CWH43: variants seen among roughly 807,000 people sequenced by gnomAD.
CWH43 encodes the protein PGAP2-interacting protein.
A neutral mutation model predicts 85.7 loss-of-function variants in CWH43; 91 were observed. The ratio of observed to expected loss-of-function variants is 1.06; its 90% confidence interval spans 0.90 to 1.26. The LOEUF (loss-of-function observed/expected upper bound fraction) is 1.26. Among genes scored for constraint, CWH43 ranks in the 50% most tolerant of loss-of-function variants. CWH43 has a pLI of 0.00. For synonymous variants in CWH43, 323 were observed against 293.6 expected, an observed-to-expected ratio of 1.10 and a Z score of -1.02; for missense variants, 869 against 839.2, an observed-to-expected ratio of 1.04 and a Z score of -0.44.
chr4:49,042,262 C>T (rs556359127), intron 13 of CWH43, among the ~76,000 whole-genome samples: 34 of 152,306 alleles, frequency 2.2e-4, no homozygotes, highest in African/African-American at 7.9e-4. Context: ...TGGGCCTCCT[C>T]TCTGCCTTGC....
chr4:49,028,204 CT>C (rs899840443), intron 9 of CWH43, among the ~76,000 whole-genome samples: 16 of 151,592 alleles, frequency 1.1e-4, no homozygotes, highest in South Asian at 2.1e-4. Context: ...TTGCAACATA[CT>C]TTTTTTTTAA....
In CWH43 at chr4:49,002,240, C is replaced by T. The variant is rs539441050; in HGVS notation, c.803-1495C>T. ...AGGTAATGTGGTAAGGGATCATTGA[C>T]AAAAAAAGATGTTCATCACACTGTT... On this transcript the variant is annotated intron_variant, in intron 6 of 15. Coordinates refer to ENST00000226432, the MANE Select transcript of CWH43 (RefSeq NM_025087.3). Among the ~76,000 whole-genome samples, 5 of 151,902 alleles carry T rather than the reference C, an allele frequency of 3.3e-5. No homozygotes were observed. In the East Asian group the frequency reaches 9.7e-4, roughly 29 times the overall value.
At chr4:49,007,019 A>T in intron 7 of CWH43, 182 bp from the exon 8 acceptor site, 1 of 551,870 alleles carries the variant, frequency 1.8e-6, no homozygotes, top group Non-Finnish European at 2.8e-6. Context: ...CTAGAACCCT[A>T]CCTGATATTT....
intron 12 of CWH43, 146 bp downstream of exon 12, chr4:49,032,861 C>A: frequency 9.7e-7 from 1 of 1,031,250 alleles, no homozygotes; most frequent in Non-Finnish European, 1.4e-6. Flanking sequence ...TTTTAAAAAT[C>A]AGACAGAAGC....
Position 49,032,601 on chromosome 4 carries a change from C to A in CWH43, c.1544C>A (p.Ser515Tyr). ...MALSRYPIVK[S>Y]EHHLLPSPEG... ...TTGTCAAGATACCCAATTGTGAAAT[C>A]TGAGCATCACCTTCTTCCGTCACCA... The change falls in exon 12 of 16, where the codon TCT becomes TAT. Residue 515 changes from serine to tyrosine, a missense_variant. Ser to Tyr is a moderately radical substitution (Grantham distance 144, BLOSUM62 -2). Around this residue, in one of 3 missense-constraint regions of CWH43, gnomAD observed 577 missense variants for 513.1 expected, o/e 1.12. Coordinates refer to ENST00000226432, the MANE Select transcript of CWH43 (RefSeq NM_025087.3). 6.2e-7 allele frequency: 1 copy of A among 1,614,048 alleles called. No homozygotes were observed. Among genetic ancestry groups the A allele is most frequent in the Non-Finnish European group, 8.5e-7 (1 of 1,179,950 alleles).
rs79550690 is a variant in CWH43, at chr4:48,992,857, G to A, written c.511+767G>A. On this transcript the variant is annotated intron_variant, in intron 4 of 15. Coordinates refer to ENST00000226432, the MANE Select transcript of CWH43 (RefSeq NM_025087.3). This position sits in a 1 kb window ranked among gnomAD's most constrained non-coding sequence, Gnocchi z 4.3. ...AAAAAGTGCTTGTATAATTCCCCCT[G>A]TGGCCCCTAGTTTGGCATGAAATGA... 0.014 allele frequency among the ~76,000 whole-genome samples: 2,088 copies of A among 152,254 alleles called. 33 individuals carry two copies. The highest frequency in any genetic ancestry group is 0.043 in the African/African-American group (1,803 of 41,544).
At position 49,017,775 on chromosome 4, in the gene CWH43, AG is replaced by A. The variant is rs1466536989; in HGVS notation, c.1266+450del. 3.3e-5 allele frequency among the ~76,000 whole-genome samples: 5 copies of A among 152,278 alleles called. No homozygotes were observed. The East Asian group carries it at 9.6e-4, about 29-fold the overall frequency. ...CTTGCAATCATAGTGAAAGGCAAAC[AG>A]GGAGCTAGTTATCTTATGTGGTGGA... is the stretch of plus-strand genomic sequence containing the variant. On this transcript the variant is annotated intron_variant, in intron 9 of 15. Transcript: ENST00000226432.
Position 48,998,561 on chromosome 4 carries a change from T to TAGAAC in CWH43, c.802+14_802+15insGAACA. The TAGAAC allele has an allele frequency of 6.3e-7, 1 of 1,580,624 alleles. No homozygotes were observed. The highest frequency in any genetic ancestry group is 8.7e-7 in the Non-Finnish European group (1 of 1,149,514). Reference sequence around the variant, plus strand: ...TGGTGGGTTACAGGTATGTGGAATTTACCTGCAGATAGAACACGACTGAGC... The same window carrying TAGAAC: ...TGGTGGGTTACAGGTATGTGGAATTTAGAACACCTGCAGATAGAACACGACTGAGC... On this transcript the variant is annotated intron_variant, in intron 6 of 15. Coordinates refer to ENST00000226432, the MANE Select transcript of CWH43 (RefSeq NM_025087.3).
Position 49,003,771 on chromosome 4 carries a change from C to A in CWH43, c.839C>A (p.Thr280Lys). ...GCTGCGGGGCTCCTTTACCTGCACA[C>A]ATGGGCAGCTGCTGTGTCTGGCTGT... is the stretch of plus-strand genomic sequence containing the variant. ...ASAAGLLYLH[T>K]WAAAVSGCVF... is the part of the protein sequence containing the mutation. The change falls in exon 7 of 16, where the codon ACA (threonine) becomes AAA (lysine). Residue 280 changes from threonine (T) to lysine (K), a missense_variant. Physicochemically the swap from Thr to Lys is moderately conservative, Grantham distance 78. Around this residue, in one of 3 missense-constraint regions of CWH43, gnomAD observed 577 missense variants for 513.1 expected, o/e 1.12. Transcript: ENST00000226432. 1 of 1,613,984 alleles carries A rather than the reference C, an allele frequency of 6.2e-7. No individual in the cohort carries two copies. Among genetic ancestry groups the A allele is most frequent in the Non-Finnish European group, 8.5e-7 (1 of 1,179,906 alleles).
intron 5 of CWH43, 138 bp downstream of exon 5, chr4:48,994,958 A>T: frequency 1.3e-6 from 1 of 775,982 alleles, no homozygotes; most frequent in Non-Finnish European, 2.2e-6. Flanking sequence ...GTGGCATGAA[A>T]TTATTGTGTG....
At chr4:49,060,259 C>T (rs1281898379) in intron 15 of CWH43, among the ~76,000 whole-genome samples, 2 of 152,050 alleles carry the variant, frequency 1.3e-5, no homozygotes, top group Non-Finnish European at 2.9e-5. Context: ...GGTCCATGGG[C>T]ACTGGAGTCA....
intron 9 of CWH43, among the ~76,000 whole-genome samples, chr4:49,023,488 C>G (rs1175176397): frequency 6.6e-6 from 1 of 152,178 alleles, no homozygotes; most frequent in Non-Finnish European, 1.5e-5. Context: ...GATTCTCCTG[C>G]CTCACCCTCC....
At chr4:49,004,985 T>C (rs1162661920) in intron 7 of CWH43, among the ~76,000 whole-genome samples, 1 of 152,238 alleles carries the variant, frequency 6.6e-6, no homozygotes, top group Non-Finnish European at 1.5e-5. Flanking sequence ...TGAATCATTT[T>C]AGTTTACATA....
chr4:49,000,352 A>G (rs1782953141), intron 6 of CWH43, among the ~76,000 whole-genome samples: 1 of 152,202 alleles, frequency 6.6e-6, no homozygotes, highest in Non-Finnish European at 1.5e-5. Context: ...ATGTGAACAT[A>G]CTGTTGCAGT....
At chr4:48,990,345 A>G (rs778314122) in intron 2 of CWH43, among the ~76,000 whole-genome samples, 10 of 152,326 alleles carry the variant, frequency 6.6e-5, no homozygotes, top group South Asian at 2.1e-4. Context: ...GTGCTGTTCC[A>G]GGTGACCATT....
chr4:49,004,112 T>C, intron 7 of CWH43, 120 bp downstream of exon 7: 1 of 845,946 alleles, frequency 1.2e-6, no homozygotes, highest in Non-Finnish European at 1.8e-6. Context: ...GCTTTCTTGG[T>C]AAAATAGACT....
At chr4:49,034,781 C>G (rs1784214953) in intron 12 of CWH43, among the ~76,000 whole-genome samples, 1 of 152,108 alleles carries the variant, frequency 6.6e-6, no homozygotes, top group Non-Finnish European at 1.5e-5. Context: ...CTTTAGTTTT[C>G]TCATCTGTAA....
At position 49,014,439 on chromosome 4, in the gene CWH43, A is replaced by ACTT. The variant is rs1387693915; in HGVS notation, c.1187-2809_1187-2808insTTC. On this transcript the variant is annotated intron_variant, in intron 8 of 15. Transcript: ENST00000226432. ...GTGCCACTGCACTTCAGCATGGATG[A>ACTT]CAGAATGAGACTCTGACTCAAAAAA... Among the ~76,000 whole-genome samples, 95 of 149,218 alleles carry ACTT rather than the reference A, an allele frequency of 6.4e-4. 1 individual carries two copies. In the South Asian group the frequency reaches 0.019, roughly 31 times the overall value.
rs370316803 is a variant in CWH43 at position 48,986,386 on chromosome 4, G to T, written c.-44G>T. 5.2e-6 allele frequency: 8 copies of T among 1,541,784 alleles called. No homozygotes were observed. The highest frequency in any genetic ancestry group is 7.0e-6 in the Non-Finnish European group (8 of 1,141,848). ...GGCGCAGGGCTAGGGCAGCGGGCCC[G>T]ACCCGCACGGCTTTCCTGGAAAGCG... On this transcript the variant is annotated 5_prime_UTR_variant, in exon 1 of 16. Transcript: ENST00000226432.
Sources: allele counts gnomAD v4.1 joint callset (sites outside exome capture counted in the v4.1 genomes callset), GRCh38; gene constraint gnomAD v4.1.1; regional missense constraint gnomAD v4.1.1; non-coding constraint Gnocchi (gnomAD v3.1); transcripts MANE v1.5; gene names NCBI Gene and HGNC (gene_info 2026-07-23, HGNC 2026-07-21).